Variants in FXYD1 observed in about 807,000 individuals in gnomAD.
The protein encoded by FXYD1 is FXYD domain containing ion transport regulator 1, also known as phospholemman.
Under a neutral mutation model 17.2 loss-of-function variants are expected in FXYD1, and 9 were observed. That is an observed-to-expected ratio of 0.52 (90% confidence interval 0.32 to 0.91). The LOEUF (loss-of-function observed/expected upper bound fraction) is 0.91, where lower values mean the gene tolerates loss of function less well. Ranked by LOEUF, FXYD1 falls within the 40% of genes least tolerant of loss-of-function variation. FXYD1 has a pLI of 0.04. For synonymous variants in FXYD1, 55 were observed against 45.8 expected, an observed-to-expected ratio of 1.20 and a Z score of -0.81; for missense variants, 113 against 120.6, an observed-to-expected ratio of 0.94 and a Z score of 0.29.
chr19:35,140,303 G>A lies in FXYD1; in HGVS notation c.61+163G>A, dbSNP rs141153083. Among the ~76,000 whole-genome samples the A allele has an allele frequency of 7.2e-5, 11 of 152,274 alleles. No homozygotes were observed. The South Asian group carries it at 2.1e-3, about 29-fold the overall frequency. ...CAGTCACAGGCTGGTATTTGGGGGAGGGGAGAGGAAGCCCCAGATCAGGCA... is the reference window on the plus strand; with the variant it reads ...CAGTCACAGGCTGGTATTTGGGGGAAGGGAGAGGAAGCCCCAGATCAGGCA... On this transcript the variant is annotated intron_variant, in intron 2 of 7. Coordinates refer to ENST00000351325, the MANE Select transcript of FXYD1 (RefSeq NM_021902.4).
chr19:35,137,334 G>A (rs2065215604), upstream of FXYD1, among the ~76,000 whole-genome samples: 1 of 152,206 alleles, frequency 6.6e-6, no homozygotes, highest in Non-Finnish European at 1.5e-5. Flanking sequence ...GAAAGTGTGG[G>A]GTTAAATACA....
chr19:35,140,709 G>A, intron 3 of FXYD1, 80 bp downstream of exon 3: 1 of 1,164,766 alleles, frequency 8.6e-7, no homozygotes, highest in Non-Finnish European at 1.3e-6. Flanking sequence ...CCCTCCCCCA[G>A]AGTCCCAGTA....
At position 35,141,626 on chromosome 19, in the gene FXYD1, C is replaced by A; in HGVS notation, c.206+54C>A. The stretch of plus-strand genomic sequence containing the variant: ...CCCGCTCCTGCTCTGGAGGGCGCCG[C>A]GGGTGAGGCGGGGAGTACCCCTGAC... On this transcript the variant is annotated intron_variant, in intron 5 of 7. Transcript: ENST00000351325. The A allele has an allele frequency of 2.8e-6, 4 of 1,453,598 alleles. No individual in the cohort carries two copies. The South Asian group carries it at 3.5e-5, about 13-fold the overall frequency. The allele number at this position is 1,453,598 out of a possible 1,614,324, so 90.0% of individuals were successfully genotyped here.
rs866454587 is a variant in FXYD1 at position 35,141,178 on chromosome 19, C to T, written c.141C>T (p.Leu47=). ...QIGGLVIAGI[L]FILGILIVLS... is the part of the protein sequence containing the mutation. Reference sequence around the variant, plus strand: ...GAGGCCTCGTCATCGCCGGGATCCTCTTCATCCTGGGCATCCTCATCGTGC... The same window carrying T: ...GAGGCCTCGTCATCGCCGGGATCCTTTTCATCCTGGGCATCCTCATCGTGC... The change falls in exon 4 of 8, where the codon CTC becomes CTT. Residue 47 remains leucine, a synonymous_variant. Coordinates refer to ENST00000351325, the MANE Select transcript of FXYD1 (RefSeq NM_021902.4). 3 of 1,610,620 alleles carry T rather than the reference C, an allele frequency of 1.9e-6. No homozygotes were observed. Among genetic ancestry groups the T allele is most frequent in the Admixed American group, 3.3e-5 (2 of 59,986 alleles).
intron 3 of FXYD1, 196 bp downstream of exon 3, chr19:35,140,825 T>C: frequency 3.3e-6 from 2 of 604,278 alleles, no homozygotes; most frequent in Non-Finnish European, 5.9e-6. Flanking sequence ...GTCTATGTGA[T>C]ACCTCTCTGG....
chr19:35,141,674 G>T, intron 5 of FXYD1, 102 bp downstream of exon 5: 1 of 952,430 alleles, frequency 1.0e-6, no homozygotes, highest in Non-Finnish European at 1.6e-6. Context: ...CCCCGTCAGC[G>T]ACTATGTATT....
intron 4 of FXYD1, 131 bp from the exon 5 acceptor site, chr19:35,141,404 GC>G: frequency 1.5e-6 from 1 of 666,004 alleles, no homozygotes; most frequent in Non-Finnish European, 2.6e-6. Context: ...TGGTTCCCCG[GC>G]CCCCGGTCTC....
At chr19:35,140,199 C>T (rs773594605) in intron 2 of FXYD1, 59 bp downstream of exon 2, 469 of 1,020,732 alleles carry the variant, frequency 4.6e-4, no homozygotes, top group Non-Finnish European at 6.9e-4. Context: ...CGGTGGGGAC[C>T]GAAGAACCAA....
chr19:35,141,005 T>A, intron 3 of FXYD1, 127 bp from the exon 4 acceptor site: 1 of 575,018 alleles, frequency 1.7e-6, no homozygotes, highest in Non-Finnish European at 3.2e-6. Context: ...TGCTCCCCCT[T>A]AATTATCTTA....
intron 1 of FXYD1, chr19:35,139,148 G>T (rs1482486202): frequency 6.6e-6 from 1 of 152,408 alleles, no homozygotes; most frequent in Non-Finnish European, 1.5e-5. Flanking sequence ...ACTGCGTGGG[G>T]GCACCGGAGG....
intron 3 of FXYD1, 155 bp from the exon 4 acceptor site, chr19:35,140,977 C>G (rs1279651642): frequency 3.3e-6 from 2 of 605,852 alleles, no homozygotes; most frequent in Non-Finnish European, 6.0e-6. Context: ...TGGTACCCCA[C>G]TTTCCTCCTC....
intron 4 of FXYD1, 157 bp downstream of exon 4, chr19:35,141,363 C>A: frequency 1.5e-6 from 1 of 649,126 alleles, no homozygotes; most frequent in Non-Finnish European, 2.7e-6. Context: ...CGCCCCAACC[C>A]CTCCCAGGCC....
At position 35,140,903 on chromosome 19, in the gene FXYD1, C is replaced by T. The variant is rs532366002; in HGVS notation, c.95-229C>T. 10 of 590,188 alleles carry T rather than the reference C, an allele frequency of 1.7e-5. No homozygotes were observed. The East Asian group carries it at 2.8e-4, about 17-fold the overall frequency. 36.6% of individuals were successfully genotyped at this position (590,188 alleles called of 1,614,324 possible). Reference sequence around the variant, plus strand: ...CATCCTCTGCTTCTTCCCGTCTTCTCTCCCCCCTGTCCTCCTCCTCCCTGT... The same window carrying T: ...CATCCTCTGCTTCTTCCCGTCTTCTTTCCCCCCTGTCCTCCTCCTCCCTGT... On this transcript the variant is annotated intron_variant, in intron 3 of 7. Transcript: ENST00000351325.
chr19:35,142,565 TCCAAGG>T, intron 6 of FXYD1, 44 bp downstream of exon 6: 1 of 1,590,138 alleles, frequency 6.3e-7, no homozygotes, highest in Non-Finnish European at 8.6e-7. Flanking sequence ...GAGGGCTGGT[TCCAAGG>T]ACCGCTTTTC....
At chr19:35,140,022 C>G in intron 1 of FXYD1, 54 bp from the exon 2 acceptor site, 5 of 1,518,224 alleles carry the variant, frequency 3.3e-6, no homozygotes, top group Non-Finnish European at 4.6e-6. Flanking sequence ...TGGGTTCAAG[C>G]CCTATGTGGG....
chr19:35,141,465 C>G, intron 4 of FXYD1, 71 bp from the exon 5 acceptor site: 2 of 1,302,876 alleles, frequency 1.5e-6, no homozygotes, highest in Non-Finnish European at 2.2e-6. Flanking sequence ...CGAGGGCGAG[C>G]TGGAGCTACA....
chr19:35,141,147 A>C lies in FXYD1; in HGVS notation c.110A>C (p.Gln37Pro). ...CTGCTCACAGACTACCAGTCCCTGCAGATCGGAGGCCTCGTCATCGCCGGG... is the reference window on the plus strand; with the variant it reads ...CTGCTCACAGACTACCAGTCCCTGCCGATCGGAGGCCTCGTCATCGCCGGG... ...DPFTYDYQSL[Q>P]IGGLVIAGIL... The change falls in exon 4 of 8, where the codon CAG becomes CCG. Residue 37 changes from glutamine to proline, a missense_variant. Transcript: ENST00000351325. 1 of 1,608,612 alleles carries C rather than the reference A, an allele frequency of 6.2e-7. No individual in the cohort carries two copies. The highest frequency in any genetic ancestry group is 1.1e-5 in the South Asian group (1 of 90,948).
chr19:35,141,700 GCCATGGCCCAAGCCTGGCC>G, intron 5 of FXYD1, 128 bp downstream of exon 5: 1 of 732,804 alleles, frequency 1.4e-6, no homozygotes, highest in South Asian at 1.8e-5. Context: ...CCTACTATGT[GCCATGGCCCAAGCCTGGCC>G]CTGGGACCAA....
intron 4 of FXYD1, 53 bp downstream of exon 4, chr19:35,141,259 T>G: frequency 1.2e-6 from 1 of 856,082 alleles, no homozygotes; most frequent in South Asian, 1.8e-5. Flanking sequence ...GCCCCACCTC[T>G]CTCTGGCCCC....
Sources: allele counts gnomAD v4.1 joint callset (sites outside exome capture counted in the v4.1 genomes callset), GRCh38; gene constraint gnomAD v4.1.1; transcripts MANE v1.5; gene names NCBI Gene and HGNC (gene_info 2026-07-23, HGNC 2026-07-21).